SEC24C: variants seen among roughly 807,000 people sequenced by gnomAD.
The protein encoded by SEC24C is protein transport protein Sec24C.
A neutral mutation model predicts 117.0 loss-of-function variants in SEC24C; 22 were observed. The ratio of observed to expected loss-of-function variants is 0.19; its 90% CI spans 0.13 to 0.27. The LOEUF is 0.27. Ranked by LOEUF, SEC24C falls within the 10% of genes least tolerant of loss-of-function variation. The pLI, the probability that SEC24C is intolerant of heterozygous loss-of-function variation, is 1.00. For missense variants in SEC24C, 1,155 were observed against 1,375.1 expected (o/e 0.84, Z 2.53); for synonymous variants, 506 against 529.4 (o/e 0.96, Z 0.61).
Position 73,768,887 on chromosome 10 carries a change from G to C in SEC24C, c.2259G>C (p.Met753Ile). Residue 753 changes from methionine (M) to isoleucine (I), a missense_variant, in exon 16 of 23, where the codon ATG becomes ATC. Physicochemically the swap from Met to Ile is conservative, Grantham distance 10 (BLOSUM62 1). Transcript: ENST00000345254. ...VQKVVGFDAV[M>I]RVRTSTGIRA... ...AGGTTGTTGGCTTTGATGCTGTGAT[G>C]CGGGTCCGGACAAGCACTGGTCAGT... The C allele has an allele frequency of 6.2e-7, 1 of 1,614,206 alleles. No individual in the cohort carries two copies.
chr10:73,767,728 T>C, intron 14 of SEC24C, 109 bp from the exon 15 acceptor site: 1 of 827,832 alleles, frequency 1.2e-6, no homozygotes, highest in Non-Finnish European at 1.8e-6. Context: ...TGGAAGTAGA[T>C]CTGAAGTCTT....
chr10:73,745,600 G>T (rs2082534815), intron 1 of SEC24C, among the ~76,000 whole-genome samples: 1 of 151,736 alleles, frequency 6.6e-6, no homozygotes, highest in Non-Finnish European at 1.5e-5. Context: ...TCAGGCTGGA[G>T]TGCAGTGGCA....
At chr10:73,762,373 T>G (rs2082810846) in intron 6 of SEC24C, among the ~76,000 whole-genome samples, 1 of 152,200 alleles carries the variant, frequency 6.6e-6, no homozygotes, top group Admixed American at 6.5e-5. Context: ...GCAAGCTGTT[T>G]GCCTTGAGTA....
At chr10:73,752,046 TGA>T (rs1315465882) in intron 3 of SEC24C, 1 of 152,246 alleles carries the variant, frequency 6.6e-6, no homozygotes, top group African/African-American at 2.4e-5. Flanking sequence ...AGTGGTACAG[TGA>T]CCCAATAAAC....
chr10:73,761,044 A>G (rs1242596442), intron 6 of SEC24C, among the ~76,000 whole-genome samples, 195 bp downstream of exon 6: 2 of 152,204 alleles, frequency 1.3e-5, no homozygotes, highest in East Asian at 3.8e-4. Flanking sequence ...GTTTTACTCT[A>G]TAGCTGGGCA....
Position 73,760,181 on chromosome 10 carries a change from C to T in SEC24C, c.645C>T (p.Pro215=). 6 of 1,614,192 alleles carry T rather than the reference C, an allele frequency of 3.7e-6. No individual in the cohort carries two copies. Among genetic ancestry groups the T allele is most frequent in the Non-Finnish European group, 4.2e-6 (5 of 1,180,026 alleles). Residue 215 remains proline, a synonymous_variant, in exon 5 of 23, where the codon CCC becomes CCT. Transcript: ENST00000345254. ...SAPSQASSFT[P]PASGGPRLPS... ...CATCACAGGCCTCCAGCTTCACACC[C>T]CCAGCTTCAGGGGGTCCTCGGCTGC...
intron 1 of SEC24C, among the ~76,000 whole-genome samples, chr10:73,745,831 T>C (rs968974389): frequency 1.4e-4 from 21 of 151,988 alleles, no homozygotes; most frequent in Non-Finnish European, 2.9e-4. Context: ...ATTACAGGCA[T>C]GAGCCACTGT....
At chr10:73,762,035 C>G in intron 6 of SEC24C, 1 of 1,136,064 alleles carries the variant, frequency 8.8e-7, no homozygotes, top group African/African-American at 1.6e-5. Context: ...TAACATCTGC[C>G]TCTTGTTCTT....
chr10:73,745,083 A>G (rs545903874), intron 1 of SEC24C, among the ~76,000 whole-genome samples: 3 of 152,260 alleles, frequency 2.0e-5, no homozygotes, highest in South Asian at 2.1e-4. Flanking sequence ...CTCCTTTTCT[A>G]TAGTCAAGGT....
intron 7 of SEC24C, 65 bp downstream of exon 7, chr10:73,763,666 G>GTTTTTTTTTT: frequency 1.4e-5 from 3 of 212,426 alleles, no homozygotes; most frequent in South Asian, 5.8e-5. Context: ...TATGGTTGGG[G>GTTTTTTTTTT]CTTTTTTTTT....
intron 2 of SEC24C, among the ~76,000 whole-genome samples, chr10:73,750,506 T>C (rs1466532935): frequency 6.6e-6 from 1 of 152,226 alleles, no homozygotes; most frequent in East Asian, 1.9e-4. Flanking sequence ...AGGCCAGCTG[T>C]CCTTACTGAA....
In SEC24C at chr10:73,769,297, G is replaced by T. The variant is rs1210750406; in HGVS notation, c.2425-50G>T. 1 of 1,607,260 alleles carries T rather than the reference G, an allele frequency of 6.2e-7. No homozygotes were observed. Among genetic ancestry groups the T allele is most frequent in the Admixed American group, 1.7e-5 (1 of 59,274 alleles). On this transcript the variant is annotated intron_variant, in intron 17 of 22. Transcript: ENST00000345254. The surrounding 1 kb of genome is among the most constrained non-coding windows in gnomAD (Gnocchi z 4.5). ...TCTTCCAGTTTAATAGTGTAGCAAA[G>T]GGCCTTTGTGAGGGAGGGGTGTGAG... is the stretch of plus-strand genomic sequence containing the variant.
rs1319349452 is a variant in SEC24C at position 73,759,801 on chromosome 10, G to A, written c.481+7G>A. ...TCTTCAGGGCTGGGCTTTGGTGAGT[G>A]GCTGTGAACACAGGAATGTTACTGT... On this transcript the variant is annotated splice_region_variant and intron_variant, in intron 4 of 22. Coordinates refer to ENST00000345254, the MANE Select transcript of SEC24C (RefSeq NM_198597.3). 1.3e-6 allele frequency: 2 copies of A among 1,563,320 alleles called. No homozygotes were observed. Among genetic ancestry groups the A allele is most frequent in the African/African-American group, 1.4e-5 (1 of 72,936 alleles).
intron 14 of SEC24C, 58 bp from the exon 15 acceptor site, chr10:73,767,779 A>C: frequency 7.2e-7 from 1 of 1,380,682 alleles, no homozygotes; most frequent in African/African-American, 1.5e-5. Context: ...ACAGTTTTCA[A>C]ATAGGGCGGA....
chr10:73,760,819 G>A lies in SEC24C; in HGVS notation c.957G>A (p.Lys319=), dbSNP rs569839835. 45 of 1,614,074 alleles carry A rather than the reference G, an allele frequency of 2.8e-5. No individual in the cohort carries two copies. In the East Asian group the frequency reaches 2.9e-4, roughly 10 times the overall value. ...GGCCTCCTCAGCCACTGCCTCCTAA[G>A]CGCCTGGACCCTGATGCCATCCCAA... ...QPGPPQPLPP[K]RLDPDAIPSP... is the part of the protein sequence containing the mutation. The change falls in exon 6 of 23, where the codon AAG becomes AAA. Residue 319 remains lysine, a synonymous_variant. Transcript: ENST00000345254.
chr10:73,749,555 C>G (rs112872871), intron 2 of SEC24C, among the ~76,000 whole-genome samples: 3 of 79,576 alleles, frequency 3.8e-5, no homozygotes, highest in Admixed American at 3.6e-4. Flanking sequence ...TTTTTTTTTT[C>G]TTTTTGGAGA....
chr10:73,765,551 G>A lies in SEC24C; in HGVS notation c.1328G>A (p.Arg443Lys), dbSNP rs1434990722. The A allele has an allele frequency of 1.2e-6, 2 of 1,613,998 alleles. No homozygotes were observed. Among genetic ancestry groups the A allele is most frequent in the African/African-American group, 2.7e-5 (2 of 74,944 alleles). ...CPFMQFIEGG[R>K]RFQCCFCSCI... ...TTCATGCAGTTCATTGAAGGAGGGA[G>A]GCGTTTCCAGTGCTGTTTTTGCAGC... is the stretch of plus-strand genomic sequence containing the variant. Residue 443 changes from arginine (R) to lysine (K), a missense_variant, in exon 9 of 23, where the codon AGG becomes AAG. Physicochemically the swap from Arg to Lys is conservative, Grantham distance 26 (BLOSUM62 2). Coordinates refer to ENST00000345254, the MANE Select transcript of SEC24C (RefSeq NM_198597.3).
In SEC24C at chr10:73,760,081, A is replaced by G; in HGVS notation, c.545A>G (p.Tyr182Cys). ...CCTAACTCTGGTCTGTATGGCTCCT[A>G]TCCTCAGGGCCAGGCTCCTCCCCTT... ...SFPNSGLYGS[Y>C]PQGQAPPLSQ... Residue 182 changes from tyrosine to cysteine, a missense_variant, in exon 5 of 23, where the codon TAT becomes TGT. Tyr to Cys is a radical substitution (Grantham distance 194). Around this residue, in one of 2 missense-constraint regions of SEC24C, gnomAD observed 396 missense variants for 382.8 expected, o/e 1.03. Coordinates refer to ENST00000345254, the MANE Select transcript of SEC24C (RefSeq NM_198597.3). 3 of 1,612,238 alleles carry G rather than the reference A, an allele frequency of 1.9e-6. No individual in the cohort carries two copies. The highest frequency in any genetic ancestry group is 2.5e-6 in the Non-Finnish European group (3 of 1,178,554).
rs751555884 is a variant in SEC24C at position 73,769,333 on chromosome 10, C to G, written c.2425-14C>G. On this transcript the variant is annotated splice_polypyrimidine_tract_variant and intron_variant, in intron 17 of 22. Transcript: ENST00000345254. This position sits in a 1 kb window ranked among gnomAD's most constrained non-coding sequence, Gnocchi z 4.5. ...AGGGAGGGGTGTGAGTTCCCCCTTT[C>G]TCCTTTCCCCTAGTGTGCCCTGCTT... 3 of 1,613,268 alleles carry G rather than the reference C, an allele frequency of 1.9e-6. No individual in the cohort carries two copies. The highest frequency in any genetic ancestry group is 2.5e-6 in the Non-Finnish European group (3 of 1,179,590).
Sources: allele counts gnomAD v4.1 joint callset (sites outside exome capture counted in the v4.1 genomes callset), GRCh38; gene constraint gnomAD v4.1.1; regional missense constraint gnomAD v4.1.1; non-coding constraint Gnocchi (gnomAD v3.1); transcripts MANE v1.5; gene names NCBI Gene and HGNC (gene_info 2026-07-23, HGNC 2026-07-21).